The following ZMIZ1 variants were observed in gnomAD, a reference collection of about 807,000 sequenced individuals.
The protein encoded by ZMIZ1 is zinc finger MIZ-type containing 1.
In ZMIZ1, 17 loss-of-function variants were observed where a neutral mutation model predicts 113.9. The ratio of observed to expected loss-of-function variants is 0.15; its 90% CI spans 0.10 to 0.22. ZMIZ1 has a LOEUF of 0.22. ZMIZ1 is among the 10% of genes least tolerant of loss of function. ZMIZ1 has a pLI of 1.00. For missense variants in ZMIZ1, 1,059 were observed against 1,477.8 expected, an observed-to-expected ratio of 0.72 and a Z score of 4.65; for synonymous variants, 607 against 603.1, an observed-to-expected ratio of 1.01 and a Z score of -0.09.
At chr10:79,128,669 G>A (rs1383930945) in intron 2 of ZMIZ1, among the ~76,000 whole-genome samples, 2 of 152,180 alleles carry the variant, frequency 1.3e-5, no homozygotes, top group African/African-American at 4.8e-5. Context: ...CCCAGGCTAA[G>A]GATTAGGGAC....
At chr10:79,138,467 C>T (rs1350803475) in intron 2 of ZMIZ1, among the ~76,000 whole-genome samples, 2 of 152,212 alleles carry the variant, frequency 1.3e-5, no homozygotes, top group African/African-American at 4.8e-5. Context: ...TGGGACACCC[C>T]GTCCCCAAGA....
Position 79,306,294 on chromosome 10 carries a change from C to A in ZMIZ1, c.2618C>A (p.Pro873His). 1 of 1,613,600 alleles carries A rather than the reference C, an allele frequency of 6.2e-7. No homozygotes were observed. Among genetic ancestry groups the A allele is most frequent in the Non-Finnish European group, 8.5e-7 (1 of 1,180,022 alleles). ...AALGPGPSPY[P>H]LPPPPGGTNS... ...CTGGGCCCCGGCCCGTCCCCCTATC[C>A]CCTCCCGCCTCCCCCAGGGGGCACC... The change falls in exon 22 of 25, where the codon CCC becomes CAC. Residue 873 changes from proline (P) to histidine (H), a missense_variant. Pro to His is a moderately conservative substitution (Grantham distance 77). Around this residue, in one of 6 missense-constraint regions of ZMIZ1, gnomAD observed 225 missense variants for 276.0 expected, o/e 0.82. Transcript: ENST00000334512.
intron 7 of ZMIZ1, among the ~76,000 whole-genome samples, chr10:79,273,154 G>C (rs759229043): frequency 1.3e-5 from 2 of 152,188 alleles, no homozygotes; most frequent in African/African-American, 2.4e-5. Context: ...CCCCAAAGAA[G>C]GCTGTTACCC....
chr10:79,307,700 T>G, intron 23 of ZMIZ1, 129 bp downstream of exon 23: 2 of 1,090,206 alleles, frequency 1.8e-6, no homozygotes, highest in Non-Finnish European at 2.6e-6. Flanking sequence ...CAGAATGGAA[T>G]AGGAGGGGTC....
intron 6 of ZMIZ1, among the ~76,000 whole-genome samples, chr10:79,214,686 T>C (rs1848650481): frequency 6.6e-6 from 1 of 152,222 alleles, no homozygotes; most frequent in Non-Finnish European, 1.5e-5. Flanking sequence ...AGGTGGTTCC[T>C]GGGGGCTTGG....
chr10:79,179,650 T>A (rs1847028557), intron 4 of ZMIZ1, among the ~76,000 whole-genome samples: 1 of 152,266 alleles, frequency 6.6e-6, no homozygotes, highest in African/African-American at 2.4e-5. Flanking sequence ...ACCGTCTCCC[T>A]GCAGTCTGCT....
At chr10:79,226,270 T>C (rs1849195897) in intron 7 of ZMIZ1, among the ~76,000 whole-genome samples, 1 of 152,126 alleles carries the variant, frequency 6.6e-6, no homozygotes, top group Admixed American at 6.5e-5. Context: ...GGACCAGAGC[T>C]CTGGCCAGGC....
chr10:79,219,104 G>A (rs926513209), intron 7 of ZMIZ1, among the ~76,000 whole-genome samples: 3 of 152,156 alleles, frequency 2.0e-5, no homozygotes, highest in African/African-American at 7.2e-5. Flanking sequence ...TGGGAGGTCG[G>A]GGTGAGGATG....
intron 7 of ZMIZ1, among the ~76,000 whole-genome samples, chr10:79,220,956 T>C (rs1178707642): frequency 1.3e-5 from 2 of 152,190 alleles, no homozygotes; most frequent in African/African-American, 2.4e-5. Flanking sequence ...ATGACGTATA[T>C]GTACCTGTGT....
chr10:79,141,838 G>A (rs1437581589), intron 3 of ZMIZ1, among the ~76,000 whole-genome samples: 1 of 152,236 alleles, frequency 6.6e-6, no homozygotes, highest in East Asian at 1.9e-4. Context: ...AGGATAGGGG[G>A]CGAAGTCAGA....
chr10:79,214,832 G>C (rs1415000197), intron 6 of ZMIZ1, among the ~76,000 whole-genome samples: 3 of 152,168 alleles, frequency 2.0e-5, no homozygotes, highest in Non-Finnish European at 2.9e-5. Flanking sequence ...AGCTAATTTT[G>C]CTGCTGTTCA....
intron 4 of ZMIZ1, among the ~76,000 whole-genome samples, chr10:79,184,879 C>T (rs1847286007): frequency 6.6e-6 from 1 of 152,194 alleles, no homozygotes; most frequent in African/African-American, 2.4e-5. Context: ...TCCTCAGGGT[C>T]CTCAGCTGCT....
At chr10:79,115,801 A>G (rs1843994966) in intron 1 of ZMIZ1, among the ~76,000 whole-genome samples, 1 of 152,200 alleles carries the variant, frequency 6.6e-6, no homozygotes, top group Non-Finnish European at 1.5e-5. Flanking sequence ...CCAGTCACTC[A>G]CCTGAGGTTG....
At chr10:79,164,248 T>C (rs906421208) in intron 4 of ZMIZ1, among the ~76,000 whole-genome samples, 20 of 152,190 alleles carry the variant, frequency 1.3e-4, no homozygotes, top group Non-Finnish European at 7.3e-5. Flanking sequence ...CCTGTATGGC[T>C]TTGAGAAGTT....
At chr10:79,177,295 A>G (rs908916679) in intron 4 of ZMIZ1, among the ~76,000 whole-genome samples, 7 of 140,978 alleles carry the variant, frequency 5.0e-5, no homozygotes, top group Admixed American at 1.4e-4. Flanking sequence ...CACTGTAAAC[A>G]GGGGATGAAA....
intron 7 of ZMIZ1, among the ~76,000 whole-genome samples, chr10:79,243,317 T>C (rs1353013893): frequency 6.7e-6 from 1 of 149,218 alleles, no homozygotes; most frequent in East Asian, 2.0e-4. Flanking sequence ...GAGCTGTCGC[T>C]TGCGCCCGGG....
intron 6 of ZMIZ1, among the ~76,000 whole-genome samples, chr10:79,215,269 G>T (rs1295139376): frequency 6.6e-6 from 1 of 151,786 alleles, no homozygotes; most frequent in Non-Finnish European, 1.5e-5. Flanking sequence ...CTGACCTGAA[G>T]CCCTGTGGGA....
Position 79,128,167 on chromosome 10 carries a change from G to A in ZMIZ1, c.-227+9143G>A, listed in dbSNP as rs553204487. On this transcript the variant is annotated intron_variant, in intron 2 of 24. Transcript: ENST00000334512. Reference sequence around the variant, plus strand: ...CTCCCTCCCCCTTTTCTCCCTGGGTGCAGTACCTGTCCAGGTTGACTACTC... The same window carrying A: ...CTCCCTCCCCCTTTTCTCCCTGGGTACAGTACCTGTCCAGGTTGACTACTC... 3.3e-5 allele frequency among the ~76,000 whole-genome samples: 5 copies of A among 152,272 alleles called. No homozygotes were observed. In the South Asian group the frequency reaches 1.0e-3, roughly 32 times the overall value.
intron 2 of ZMIZ1, among the ~76,000 whole-genome samples, chr10:79,138,340 C>T (rs1021615524): frequency 2.0e-5 from 3 of 152,218 alleles, no homozygotes; most frequent in African/African-American, 7.2e-5. Flanking sequence ...CTTCTGGCCT[C>T]TGTGGACCCA....
Sources: allele counts gnomAD v4.1 joint callset (sites outside exome capture counted in the v4.1 genomes callset), GRCh38; gene constraint gnomAD v4.1.1; regional missense constraint gnomAD v4.1.1; transcripts MANE v1.5; gene names NCBI Gene and HGNC (gene_info 2026-07-23, HGNC 2026-07-21).